GSE1: variants seen among roughly 807,000 people sequenced by gnomAD.
GSE1 encodes Gse1 coiled-coil protein.
GSE1 carries 32 observed loss-of-function variants against 112.6 expected under a neutral mutation model. The ratio of observed to expected loss-of-function variants is 0.28; its 90% CI spans 0.21 to 0.38. The LOEUF (loss-of-function observed/expected upper bound fraction) is 0.38, where lower values mean the gene tolerates loss of function less well. GSE1 is among the 10% of genes least tolerant of loss of function. GSE1 has a pLI of 1.00. For synonymous variants in GSE1, 1,115 were observed against 735.6 expected, an observed-to-expected ratio of 1.52 and a Z score of -8.35; for missense variants, 2,348 against 1,699.2, an observed-to-expected ratio of 1.38 and a Z score of -6.71.
chr16:85,451,776 C>A (rs112881220), intron 2 of GSE1, among the ~76,000 whole-genome samples: 38 of 136,852 alleles, frequency 2.8e-4, no homozygotes, highest in African/African-American at 9.9e-4. Context: ...TTGGTGCGTG[C>A]GCTGGTGGTG....
At chr16:85,195,224 C>A (rs1252555226) in intron 1 of GSE1, among the ~76,000 whole-genome samples, 1 of 152,188 alleles carries the variant, frequency 6.6e-6, no homozygotes, top group Non-Finnish European at 1.5e-5. Context: ...GCTCCATTCA[C>A]TGGGGCGGTA....
At chr16:85,630,815 GT>G (rs1320847272) in intron 1 of GSE1, among the ~76,000 whole-genome samples, 1 of 152,166 alleles carries the variant, frequency 6.6e-6, no homozygotes, top group Non-Finnish European at 1.5e-5. Context: ...CCAAGCTTAG[GT>G]CATCTCCTGG....
rs2053629345 is a variant in GSE1 at position 85,675,428 on chromosome 16, T to C, written c.*2889T>C. 1 of 152,248 alleles carries C rather than the reference T, an allele frequency of 6.6e-6. No homozygotes were observed. The highest frequency in any genetic ancestry group is 2.1e-4 in the South Asian group (1 of 4,836). The allele number at this position is 152,248 out of a possible 1,614,324, so 9.4% of individuals were successfully genotyped here. ...AAAATATCATGTTCCTAATCTGTTG[T>C]CTCAGATAAGTGACCAAGACGGGAC... On this transcript the variant is annotated 3_prime_UTR_variant, in exon 16 of 16. Coordinates refer to ENST00000253458, the MANE Select transcript of GSE1 (RefSeq NM_014615.5).
At position 85,225,510 on chromosome 16, in the gene GSE1, A is replaced by C. The variant is rs1431083464; in HGVS notation, c.2283+53703A>C. 2.0e-5 allele frequency among the ~76,000 whole-genome samples: 3 copies of C among 152,156 alleles called. No homozygotes were observed. The East Asian group carries it at 5.8e-4, about 29-fold the overall frequency. ...TGGAGCACTTAGCTCACACTCCGTG[A>C]GAAGGGTCCCCAGGGAGGTGCAGCC... On this transcript the variant is annotated intron_variant, in intron 1 of 2. Coordinates refer to the GSE1 transcript ENST00000637419.
upstream of GSE1, chr16:85,611,577 C>G: frequency 2.8e-6 from 2 of 727,130 alleles, no homozygotes; most frequent in Non-Finnish European, 3.4e-6. Flanking sequence ...GTCCGTTTCC[C>G]TTTTCGTTTG....
chr16:85,225,468 A>G (rs1184056131), intron 1 of GSE1, among the ~76,000 whole-genome samples: 5 of 152,176 alleles, frequency 3.3e-5, no homozygotes, highest in African/African-American at 1.2e-4. Flanking sequence ...GTAGGGATTC[A>G]GAGGTCAGCA....
At chr16:85,277,864 C>T (rs1427795591) in intron 1 of GSE1, among the ~76,000 whole-genome samples, 1 of 152,254 alleles carries the variant, frequency 6.6e-6, no homozygotes, top group African/African-American at 2.4e-5. Flanking sequence ...CCAGCTGCTG[C>T]TGGGCCTCTG....
chr16:85,586,583 T>C (rs917626811), intron 1 of GSE1, among the ~76,000 whole-genome samples: 2 of 152,208 alleles, frequency 1.3e-5, no homozygotes, highest in Non-Finnish European at 2.9e-5. Context: ...CCAGGCCGCA[T>C]GGCCAAGAGT....
At chr16:85,199,686 G>A (rs983382485) in intron 1 of GSE1, among the ~76,000 whole-genome samples, 1 of 152,066 alleles carries the variant, frequency 6.6e-6, no homozygotes, top group Non-Finnish European at 1.5e-5. Flanking sequence ...TCTCTCTGAA[G>A]TCTAAGTTTG....
intron 3 of GSE1, among the ~76,000 whole-genome samples, chr16:85,651,534 C>G (rs192302673): frequency 6.6e-6 from 1 of 152,168 alleles, no homozygotes. Flanking sequence ...TGGGGACAGG[C>G]CCCTCCTTGT....
intron 2 of GSE1, among the ~76,000 whole-genome samples, chr16:85,508,183 G>C (rs185237473): frequency 6.6e-6 from 1 of 152,114 alleles, no homozygotes; most frequent in East Asian, 1.9e-4. Flanking sequence ...ACAGGCATGC[G>C]TCACCACGCC....
intron 1 of GSE1, among the ~76,000 whole-genome samples, chr16:85,586,725 G>A (rs929971784): frequency 2.0e-5 from 3 of 152,082 alleles, no homozygotes; most frequent in African/African-American, 4.8e-5. Context: ...TGAGACCCCC[G>A]TCCACAGCCC....
At chr16:85,321,073 G>T (rs1239372554) in intron 1 of GSE1, among the ~76,000 whole-genome samples, 1 of 152,100 alleles carries the variant, frequency 6.6e-6, no homozygotes, top group African/African-American at 2.4e-5. Context: ...TGTACCCCTG[G>T]CCCTCTATAT....
At chr16:85,335,579 G>A (rs2046465649) in intron 1 of GSE1, among the ~76,000 whole-genome samples, 1 of 152,186 alleles carries the variant, frequency 6.6e-6, no homozygotes, top group Non-Finnish European at 1.5e-5. Context: ...AGAATAGGAG[G>A]AGGTACATGG....
intron 11 of GSE1, 171 bp from the exon 12 acceptor site, chr16:85,664,844 C>G (rs1020676065): frequency 3.3e-6 from 2 of 598,582 alleles, no homozygotes; most frequent in Non-Finnish European, 6.0e-6. Context: ...AATCTGGGCT[C>G]GCTTTGAGAT....
chr16:85,420,230 G>GCTTTTTGTTTTTTGAGACAGGGTTTT (rs1305653303), intron 2 of GSE1, among the ~76,000 whole-genome samples: 2 of 152,102 alleles, frequency 1.3e-5, no homozygotes, highest in African/African-American at 2.4e-5. Flanking sequence ...CTTTTTGTGT[G>GCTTTTTGTTTTTTGAGACAGGGTTTT]CTTTTTGTTT....
intron 2 of GSE1, among the ~76,000 whole-genome samples, chr16:85,523,400 C>T (rs1238397274): frequency 6.6e-6 from 1 of 152,240 alleles, no homozygotes; most frequent in Non-Finnish European, 1.5e-5. Flanking sequence ...CATCTCCATC[C>T]TCCATGCTCA....
chr16:85,312,652 G>A lies in GSE1; in HGVS notation c.2284-44811G>A, dbSNP rs117164822. 7.4e-3 allele frequency among the ~76,000 whole-genome samples: 988 copies of A among 134,338 alleles called. 5 individuals carry two copies. Among genetic ancestry groups the A allele is most frequent in the Non-Finnish European group, 9.2e-3 (571 of 61,912 alleles). The allele number at this position is 134,338 out of a possible 152,430, so 88.1% of individuals were successfully genotyped here. A position where few individuals can be genotyped will look rare whatever the true frequency, so the allele number is the denominator to read the frequency against. The stretch of plus-strand genomic sequence containing the variant: ...ATTCACAGGTTCCAGCAGGACATGG[G>A]TTTTGAGGGGATGCTATTCACTACA... On this transcript the variant is annotated intron_variant, in intron 1 of 2. Coordinates refer to the GSE1 transcript ENST00000637419.
chr16:85,203,737 T>A (rs1191835939), intron 1 of GSE1, among the ~76,000 whole-genome samples: 1 of 152,174 alleles, frequency 6.6e-6, no homozygotes, highest in Non-Finnish European at 1.5e-5. Context: ...TAGTCAGTTT[T>A]ACAAAACTTT....
Sources: gnomAD v4.1 joint callset for allele counts (sites outside exome capture counted in the v4.1 genomes callset) on GRCh38, gnomAD v4.1.1 for gene constraint, MANE v1.5 for transcripts, NCBI Gene and HGNC (gene_info 2026-07-23, HGNC 2026-07-21) for gene names.